The following TMEM200B variants were observed in gnomAD, a reference collection of about 807,000 sequenced individuals.
TMEM200B encodes transmembrane protein TTMA.
A neutral mutation model predicts 17.6 loss-of-function variants in TMEM200B; 12 were observed. That is an observed-to-expected ratio of 0.68 (90% CI 0.44 to 1.11). The LOEUF (loss-of-function observed/expected upper bound fraction) is 1.11. Ranked by LOEUF, TMEM200B falls within the 50% of genes least tolerant of loss-of-function variation. The pLI is 0.00. For missense variants in TMEM200B, 456 were observed against 447.6 expected (o/e 1.02, Z -0.17); for synonymous variants, 234 against 209.2 (o/e 1.12, Z -1.02).
At chr1:29,122,274 C>G (rs980587963) in intron 1 of TMEM200B, 1 of 152,926 alleles carries the variant, frequency 6.5e-6, no homozygotes, top group African/African-American at 2.4e-5. Context: ...GTGGCTGCAC[C>G]GTAGCAAATG....
Position 29,120,796 on chromosome 1 carries a change from C to T in TMEM200B, c.*109G>A. ...GCTGCTGTGGTCAGAGCATCCATCCCCAGCCTGGGATGTGACTGAAACATC... is the reference window on the plus strand; with the variant it reads ...GCTGCTGTGGTCAGAGCATCCATCCTCAGCCTGGGATGTGACTGAAACATC... On this transcript the variant is annotated 3_prime_UTR_variant, in exon 2 of 2. Coordinates refer to ENST00000521452, the MANE Select transcript of TMEM200B (RefSeq NM_001003682.4). 7.3e-7 allele frequency: 1 copy of T among 1,362,368 alleles called. No individual in the cohort carries two copies. Among genetic ancestry groups the T allele is most frequent in the South Asian group, 1.5e-5 (1 of 65,570 alleles). 84.4% of individuals were successfully genotyped at this position (1,362,368 alleles called of 1,614,324 possible). A position where few individuals can be genotyped will look rare whatever the true frequency, so the allele number is the denominator to read the frequency against.
Position 29,121,731 on chromosome 1 carries a change from G to T in TMEM200B, c.98C>A (p.Pro33Gln). 8.3e-7 allele frequency: 1 copy of T among 1,206,526 alleles called. No individual in the cohort carries two copies. Among genetic ancestry groups the T allele is most frequent in the Non-Finnish European group, 1.0e-6 (1 of 972,210 alleles). 74.7% of individuals were successfully genotyped at this position (1,206,526 alleles called of 1,614,324 possible). Residue 33 changes from proline (P) to glutamine (Q), a missense_variant, in exon 2 of 2, where the codon CCG (proline) becomes CAG (glutamine). Physicochemically the swap from Pro to Gln is moderately conservative, Grantham distance 76. Transcript: ENST00000521452. This position sits in a 1 kb window ranked among gnomAD's most constrained non-coding sequence, Gnocchi z 5.6. ...LGRRLGRRRR[P>Q]RSPPEPLRVR... ...CCGCAGAGGCTCGGGCGGGGAGCGC[G>T]GGCGCCGGCGGCGGCCCAGGCGGCG...
intron 1 of TMEM200B, among the ~76,000 whole-genome samples, chr1:29,122,896 G>T (rs1671868793): frequency 6.6e-6 from 1 of 152,238 alleles, no homozygotes; most frequent in Non-Finnish European, 1.5e-5. Context: ...GCGGCCTGTG[G>T]CCTGGATCCC....
chr1:29,121,725 G>C lies in TMEM200B; in HGVS notation c.104C>G (p.Ser35Cys), dbSNP rs1002505264. The C allele has an allele frequency of 1.7e-6, 2 of 1,209,092 alleles. No homozygotes were observed. Among genetic ancestry groups the C allele is most frequent in the Admixed American group, 4.4e-5 (1 of 22,728 alleles). The allele number at this position is 1,209,092 out of a possible 1,614,324, so 74.9% of individuals were successfully genotyped here. ...RRLGRRRRPR[S>C]PPEPLRVRAR... is the part of the protein sequence containing the mutation. ...CCGCACCCGCAGAGGCTCGGGCGGG[G>C]AGCGCGGGCGCCGGCGGCGGCCCAG... Residue 35 changes from serine to cysteine, a missense_variant, in exon 2 of 2, where the codon TCC becomes TGC. Transcript: ENST00000521452. This position sits in a 1 kb window ranked among gnomAD's most constrained non-coding sequence, Gnocchi z 5.6.
Position 29,121,328 on chromosome 1 carries a change from G to C in TMEM200B, c.501C>G (p.Cys167Trp). 6.3e-7 allele frequency: 1 copy of C among 1,584,698 alleles called. No individual in the cohort carries two copies. The change falls in exon 2 of 2, where the codon TGC (cysteine) becomes TGG (tryptophan). Residue 167 changes from cysteine (C) to tryptophan (W), a missense_variant. Physicochemically the swap from Cys to Trp is radical, Grantham distance 215. Coordinates refer to ENST00000521452, the MANE Select transcript of TMEM200B (RefSeq NM_001003682.4). The surrounding 1 kb of genome is among the most constrained non-coding windows in gnomAD (Gnocchi z 5.6). ...LRPPDGPGWD[C>W]ALLPSPGPRS... Reference sequence around the variant, plus strand: ...TAGGGCCGGGGCTGGGAAGGAGGGCGCAGTCCCAGCCCGGGCCGTCGGGGG... The same window carrying C: ...TAGGGCCGGGGCTGGGAAGGAGGGCCCAGTCCCAGCCCGGGCCGTCGGGGG...
At position 29,121,950 on chromosome 1, in the gene TMEM200B, GC is replaced by G; in HGVS notation, c.-20-103del. On this transcript the variant is annotated intron_variant, in intron 1 of 1. Transcript: ENST00000521452. This position sits in a 1 kb window ranked among gnomAD's most constrained non-coding sequence, Gnocchi z 5.6. ...CCGGGAGGGAAGCTCCGGCCGCCCA[GC>G]CCAGGCCGCTTGGAGATCCCTGGCG... 1 of 928,994 alleles carries G rather than the reference GC, an allele frequency of 1.1e-6. No individual in the cohort carries two copies. Among genetic ancestry groups the G allele is most frequent in the Non-Finnish European group, 1.3e-6 (1 of 743,736 alleles). 57.5% of individuals were successfully genotyped at this position (928,994 alleles called of 1,614,324 possible).
At position 29,121,851 on chromosome 1, in the gene TMEM200B, G is replaced by A; in HGVS notation, c.-20-3C>T. On this transcript the variant is annotated splice_region_variant and splice_polypyrimidine_tract_variant and intron_variant, in intron 1 of 1. Coordinates refer to ENST00000521452, the MANE Select transcript of TMEM200B (RefSeq NM_001003682.4). The surrounding 1 kb of genome is among the most constrained non-coding windows in gnomAD (Gnocchi z 5.6). ...CATCTCGCCGTCGTCTGGGCGCTCT[G>A]CGGAGAGAAGATGGGAGGCAAGGAC... The A allele has an allele frequency of 1.6e-6, 2 of 1,277,252 alleles. No homozygotes were observed. Among genetic ancestry groups the A allele is most frequent in the Non-Finnish European group, 2.0e-6 (2 of 1,009,634 alleles). 79.1% of individuals were successfully genotyped at this position (1,277,252 alleles called of 1,614,324 possible).
chr1:29,121,139 C>T lies in TMEM200B; in HGVS notation c.690G>A (p.Gly230=), dbSNP rs771453323. 1 of 1,613,766 alleles carries T rather than the reference C, an allele frequency of 6.2e-7. No individual in the cohort carries two copies. The highest frequency in any genetic ancestry group is 1.1e-5 in the South Asian group (1 of 91,082). The change falls in exon 2 of 2, where the codon GGG becomes GGA. Residue 230 remains glycine (G), a synonymous_variant. Coordinates refer to ENST00000521452, the MANE Select transcript of TMEM200B (RefSeq NM_001003682.4). The surrounding 1 kb of genome is among the most constrained non-coding windows in gnomAD (Gnocchi z 5.6). ...TCCGTGGACCCCAGGGTGGGGGCAGCCCGGGGCCCTTCAGCGGGTAGCTGT... is the reference window on the plus strand; with the variant it reads ...TCCGTGGACCCCAGGGTGGGGGCAGTCCGGGGCCCTTCAGCGGGTAGCTGT... ...LLNSYPLKGP[G]LPPPWGPRTQ...
At position 29,119,536 on chromosome 1, in the gene TMEM200B, G is replaced by A. The variant is rs1416897650; in HGVS notation, c.*1369C>T. ...GCAAGACCTGTATTTATAAGCCGAGGGCTCAGGGAGCCTAACTGCGGGACC... is the reference window on the plus strand; with the variant it reads ...GCAAGACCTGTATTTATAAGCCGAGAGCTCAGGGAGCCTAACTGCGGGACC... On this transcript the variant is annotated 3_prime_UTR_variant, in exon 2 of 2. Coordinates refer to ENST00000521452, the MANE Select transcript of TMEM200B (RefSeq NM_001003682.4). The A allele has an allele frequency of 6.6e-6, 1 of 152,228 alleles. No homozygotes were observed. Among genetic ancestry groups the A allele is most frequent in the Non-Finnish European group, 1.5e-5 (1 of 68,082 alleles). The allele number at this position is 152,228 out of a possible 1,614,324, so 9.4% of individuals were successfully genotyped here.
rs1280332310 is a variant in TMEM200B, at chr1:29,121,426, G to A, written c.403C>T (p.Leu135=). ...GLFVFICANT[L]LYENRDLETR... ...TCCAAGTCTCGGTTCTCATACAGCA[G>A]TGTGTTGGCGCAGATGAACACGAAC... Residue 135 remains leucine, a synonymous_variant, in exon 2 of 2, where the codon CTG becomes TTG. Transcript: ENST00000521452. The surrounding 1 kb of genome is among the most constrained non-coding windows in gnomAD (Gnocchi z 5.6). 2.0e-6 allele frequency: 3 copies of A among 1,536,450 alleles called. No individual in the cohort carries two copies. The highest frequency in any genetic ancestry group is 2.6e-6 in the Non-Finnish European group (3 of 1,146,614).
intron 1 of TMEM200B, among the ~76,000 whole-genome samples, chr1:29,122,696 A>C (rs1373603772): frequency 6.6e-6 from 1 of 152,026 alleles, no homozygotes; most frequent in African/African-American, 2.4e-5. Flanking sequence ...GGCTGTTCCC[A>C]GGTTGCGACG....
rs1289728276 is a variant in TMEM200B, at chr1:29,121,380, C to G, written c.449G>C (p.Gly150Ala). The change falls in exon 2 of 2, where the codon GGG becomes GCG. Residue 150 changes from glycine to alanine, a missense_variant. By Grantham distance (60) the Gly-to-Ala change is moderately conservative. Coordinates refer to ENST00000521452, the MANE Select transcript of TMEM200B (RefSeq NM_001003682.4). This position sits in a 1 kb window ranked among gnomAD's most constrained non-coding sequence, Gnocchi z 5.6. ...RDLETRRLRQ[G>A]VLRAQALRPP... is the part of the protein sequence containing the mutation. ...CCGGAGCGCCTGGGCCCGCAGCACC[C>G]CCTGGCGGAGCCGTCGCGTCTCCAA... 1 of 1,548,924 alleles carries G rather than the reference C, an allele frequency of 6.5e-7. No individual in the cohort carries two copies. The highest frequency in any genetic ancestry group is 2.0e-5 in the Admixed American group (1 of 51,218).
rs2151801202 is a variant in TMEM200B at position 29,120,430 on chromosome 1, G to A, written c.*475C>T. 1 of 167,194 alleles carries A rather than the reference G, an allele frequency of 6.0e-6. No homozygotes were observed. The highest frequency in any genetic ancestry group is 1.3e-5 in the Non-Finnish European group (1 of 76,646). 10.4% of individuals were successfully genotyped at this position (167,194 alleles called of 1,614,324 possible). ...TCAGTCCCCGTCCCAGATGGCAGTG[G>A]AGAGTCTCATCCCGTGGTCCATCTT... On this transcript the variant is annotated 3_prime_UTR_variant, in exon 2 of 2. Coordinates refer to ENST00000521452, the MANE Select transcript of TMEM200B (RefSeq NM_001003682.4).
chr1:29,120,697 A>G lies in TMEM200B; in HGVS notation c.*208T>C. 2 of 633,828 alleles carry G rather than the reference A, an allele frequency of 3.2e-6. No homozygotes were observed. The highest frequency in any genetic ancestry group is 2.4e-5 in the South Asian group (1 of 40,988). The allele number at this position is 633,828 out of a possible 1,614,324, so 39.3% of individuals were successfully genotyped here. On this transcript the variant is annotated 3_prime_UTR_variant, in exon 2 of 2. Transcript: ENST00000521452. ...TCCTCCACACCCCACAGTGAAACGC[A>G]CCCTCTCCAGCTCACTGAGCCCTGG...
intron 1 of TMEM200B, among the ~76,000 whole-genome samples, 182 bp downstream of exon 1, chr1:29,123,674 G>C (rs1013055468): frequency 6.6e-6 from 1 of 151,892 alleles, no homozygotes. Context: ...AGATGCTGGG[G>C]CCGAGTCCCC....
In TMEM200B at chr1:29,120,660, T is replaced by A; in HGVS notation, c.*245A>T. 1.9e-6 allele frequency: 1 copy of A among 518,746 alleles called. No homozygotes were observed. Among genetic ancestry groups the A allele is most frequent in the East Asian group, 2.9e-5 (1 of 33,980 alleles). 32.1% of individuals were successfully genotyped at this position (518,746 alleles called of 1,614,324 possible). The stretch of plus-strand genomic sequence containing the variant: ...GGCCACTTACAGAGGCTGAAGAAAT[T>A]CCTGAGGCGAGTCCTCCACACCCCA... On this transcript the variant is annotated 3_prime_UTR_variant, in exon 2 of 2. Transcript: ENST00000521452.
chr1:29,123,619 A>G (rs1167058332), intron 1 of TMEM200B, among the ~76,000 whole-genome samples: 3 of 151,994 alleles, frequency 2.0e-5, no homozygotes, highest in Admixed American at 1.3e-4. Context: ...CGCTGGGGAC[A>G]CCAGGGAGGC....
In TMEM200B at chr1:29,121,735, G is replaced by A; in HGVS notation, c.94C>T (p.Arg32Cys). Residue 32 changes from arginine to cysteine, a missense_variant, in exon 2 of 2, where the codon CGC becomes TGC. Transcript: ENST00000521452. The surrounding 1 kb of genome is among the most constrained non-coding windows in gnomAD (Gnocchi z 5.6). ...RLGRRLGRRR[R>C]PRSPPEPLRV... ...AGAGGCTCGGGCGGGGAGCGCGGGC[G>A]CCGGCGGCGGCCCAGGCGGCGGCCC... The A allele has an allele frequency of 8.3e-7, 1 of 1,205,600 alleles. No homozygotes were observed. The highest frequency in any genetic ancestry group is 1.0e-6 in the Non-Finnish European group (1 of 971,530). The allele number at this position is 1,205,600 out of a possible 1,614,324, so 74.7% of individuals were successfully genotyped here. A position where few individuals can be genotyped will look rare whatever the true frequency, so the allele number is the denominator to read the frequency against.
intron 1 of TMEM200B, among the ~76,000 whole-genome samples, chr1:29,123,105 G>T (rs1353737633): frequency 6.6e-6 from 1 of 152,192 alleles, no homozygotes; most frequent in Non-Finnish European, 1.5e-5. Flanking sequence ...AAACCTCGGG[G>T]AGGCGGCCTT....
Sources: allele counts gnomAD v4.1 joint callset (sites outside exome capture counted in the v4.1 genomes callset), GRCh38; gene constraint gnomAD v4.1.1; non-coding constraint Gnocchi (gnomAD v3.1); transcripts MANE v1.5; gene names NCBI Gene and HGNC (gene_info 2026-07-23, HGNC 2026-07-21).